Variants in RBFOX2 observed in about 807,000 individuals in gnomAD.
The protein encoded by RBFOX2 is RNA binding fox-1 homolog 2.
A neutral mutation model predicts 49.1 loss-of-function variants in RBFOX2; 10 were observed. The observed-to-expected ratio is 0.20, with a 90% CI of 0.13 to 0.35. The LOEUF (loss-of-function observed/expected upper bound fraction) is 0.35. Ranked by LOEUF, RBFOX2 falls within the 10% of genes least tolerant of loss-of-function variation. RBFOX2 has a pLI of 1.00. For missense variants in RBFOX2, 323 were observed against 486.9 expected (o/e 0.66, Z 3.17); for synonymous variants, 183 against 187.4 (o/e 0.98, Z 0.19).
At chr22:35,899,838 T>C (rs1046130524) in intron 1 of RBFOX2, among the ~76,000 whole-genome samples, 3 of 152,182 alleles carry the variant, frequency 2.0e-5, no homozygotes, top group African/African-American at 4.8e-5. Flanking sequence ...TATCACCCTA[T>C]CTGTTAGTTC....
chr22:36,028,126 C>G (rs1259909949), intron 1 of RBFOX2, 114 bp downstream of exon 1: 1 of 1,305,108 alleles, frequency 7.7e-7, no homozygotes, highest in Non-Finnish European at 9.8e-7. Context: ...GGCCCCCCAT[C>G]CCACCTCCAA....
At chr22:36,012,058 T>TA (rs1183631588) in intron 1 of RBFOX2, among the ~76,000 whole-genome samples, 1 of 152,104 alleles carries the variant, frequency 6.6e-6, no homozygotes, top group Non-Finnish European at 1.5e-5. Flanking sequence ...TGATCTAAAT[T>TA]AGAGATGGAA....
intron 2 of RBFOX2, among the ~76,000 whole-genome samples, chr22:35,809,448 A>C (rs983388436): frequency 6.6e-6 from 1 of 152,188 alleles, no homozygotes; most frequent in Non-Finnish European, 1.5e-5. Context: ...TTGGTAGTAT[A>C]ATTATGCAGA....
At chr22:35,840,343 T>C (rs760189318) in exon 1 of RBFOX2, 4 of 1,568,300 alleles carry the variant, frequency 2.6e-6, no homozygotes, top group Non-Finnish European at 3.4e-6. Flanking sequence ...GATCTCTCTT[T>C]ATACCGTTTT....
At chr22:36,006,991 A>T (rs2146317180) in intron 1 of RBFOX2, among the ~76,000 whole-genome samples, 1 of 152,218 alleles carries the variant, frequency 6.6e-6, no homozygotes, top group East Asian at 1.9e-4. Context: ...AAAAAATCCA[A>T]GTAACCCATG....
At chr22:35,892,979 C>T (rs116984449) in intron 1 of RBFOX2, among the ~76,000 whole-genome samples, 18 of 152,348 alleles carry the variant, frequency 1.2e-4, no homozygotes, top group Non-Finnish European at 1.8e-4. Flanking sequence ...TTCTATGTAT[C>T]TGGGCATTAT....
chr22:35,821,294 C>T (rs1954408385), intron 1 of RBFOX2, among the ~76,000 whole-genome samples: 1 of 151,948 alleles, frequency 6.6e-6, no homozygotes, highest in African/African-American at 2.4e-5. Flanking sequence ...GTAAGAAGAG[C>T]TTATGATTAA....
chr22:35,848,733 A>C (rs772088324), intron 1 of RBFOX2, among the ~76,000 whole-genome samples: 2 of 152,270 alleles, frequency 1.3e-5, no homozygotes, highest in Non-Finnish European at 1.5e-5. Flanking sequence ...ACAAACTGAC[A>C]GACCAAGTAG....
intron 1 of RBFOX2, among the ~76,000 whole-genome samples, chr22:35,925,417 C>G (rs1362927522): frequency 1.3e-5 from 2 of 152,096 alleles, no homozygotes; most frequent in African/African-American, 4.8e-5. Flanking sequence ...GTAGTTCCAG[C>G]TACTTGGGAG....
At chr22:35,928,535 G>C (rs912372946) in intron 1 of RBFOX2, among the ~76,000 whole-genome samples, 1 of 152,188 alleles carries the variant, frequency 6.6e-6, no homozygotes, top group Non-Finnish European at 1.5e-5. Context: ...CCTCAGCAGA[G>C]AGGCAAATGC....
At chr22:35,812,165 G>A (rs1952008419) in intron 1 of RBFOX2, among the ~76,000 whole-genome samples, 2 of 151,722 alleles carry the variant, frequency 1.3e-5, no homozygotes, top group Admixed American at 1.3e-4. Context: ...GGAAGCTGAG[G>A]CAGGAGAATC....
intron 1 of RBFOX2, among the ~76,000 whole-genome samples, chr22:35,960,122 A>G (rs765835157): frequency 3.9e-5 from 6 of 152,204 alleles, no homozygotes; most frequent in Non-Finnish European, 7.3e-5. Context: ...CTACTGAGCT[A>G]TACTATCTCC....
rs144278823 is a variant in RBFOX2 at position 35,770,718 on chromosome 22, T to C, written c.454-2369A>G. 5.3e-5 allele frequency among the ~76,000 whole-genome samples: 8 copies of C among 152,268 alleles called. No homozygotes were observed. In the East Asian group the frequency reaches 1.5e-3, roughly 29 times the overall value. ...TGTTGAAAGAACATTAGTGATACAA[T>C]AACTGCATCCAAAAGAATGGAAGGT... On this transcript the variant is annotated intron_variant, in intron 4 of 11. Coordinates refer to ENST00000405409, the Ensembl canonical transcript of RBFOX2.
intron 1 of RBFOX2, among the ~76,000 whole-genome samples, chr22:35,946,467 T>C (rs1006719102): frequency 2.0e-5 from 3 of 152,180 alleles, no homozygotes; most frequent in Non-Finnish European, 4.4e-5. Context: ...TAATAGATAA[T>C]ATCTACCACA....
At chr22:35,840,348 C>A (rs551408435) in exon 1 of RBFOX2, 1 of 1,557,904 alleles carries the variant, frequency 6.4e-7, no homozygotes, top group Admixed American at 2.0e-5. Context: ...CTCTTTATAC[C>A]GTTTTCCTTC....
chr22:35,839,139 T>C (rs1958243237), intron 1 of RBFOX2, among the ~76,000 whole-genome samples: 2 of 152,230 alleles, frequency 1.3e-5, no homozygotes, highest in African/African-American at 4.8e-5. Context: ...ATCTTAAGTC[T>C]GAGACTAAAG....
intron 2 of RBFOX2, among the ~76,000 whole-genome samples, chr22:35,808,776 G>A (rs953682527): frequency 6.6e-6 from 1 of 152,096 alleles, no homozygotes; most frequent in African/African-American, 2.4e-5. Context: ...TTGAGCCCAG[G>A]AGACTGAGGT....
At chr22:35,878,453 GAGTGCAGTCTGC>G (rs1438087548) in intron 1 of RBFOX2, among the ~76,000 whole-genome samples, 1 of 152,108 alleles carries the variant, frequency 6.6e-6, no homozygotes, top group East Asian at 1.9e-4. Flanking sequence ...ACCCAGGATG[GAGTGCAGTCTGC>G]ACAATTAGAG....
intron 1 of RBFOX2, among the ~76,000 whole-genome samples, chr22:35,910,499 T>A (rs1327528714): frequency 6.6e-6 from 1 of 152,220 alleles, no homozygotes; most frequent in Non-Finnish European, 1.5e-5. Context: ...ACAATCAGGA[T>A]AACAGAAGTG....
Sources: gnomAD v4.1 joint callset for allele counts (sites outside exome capture counted in the v4.1 genomes callset) on GRCh38, gnomAD v4.1.1 for gene constraint, MANE v1.5 for transcripts, NCBI Gene and HGNC (gene_info 2026-07-23, HGNC 2026-07-21) for gene names.